Variants in GIT2 observed in about 807,000 individuals in gnomAD.
GIT2 encodes the protein ARF GTPase-activating protein GIT2.
In GIT2, 32 loss-of-function variants were observed where a neutral mutation model predicts 100.3. That is an observed-to-expected ratio of 0.32 (90% CI 0.24 to 0.43). GIT2 has a LOEUF of 0.43. GIT2 is among the 20% of genes least tolerant of loss of function. The probability of loss-of-function intolerance (pLI) is 1.00; values close to 1 mark genes in which losing one functional copy is unlikely to be tolerated. For missense variants in GIT2, 737 were observed against 975.1 expected (o/e 0.76, Z 3.25); for synonymous variants, 353 against 364.1 (o/e 0.97, Z 0.35).
At chr12:109,976,676 C>T (rs1250114297) in intron 7 of GIT2, among the ~76,000 whole-genome samples, 1 of 150,940 alleles carries the variant, frequency 6.6e-6, no homozygotes, top group Non-Finnish European at 1.5e-5. Flanking sequence ...GTAACCTTTG[C>T]CTCCTAGGTT....
intron 18 of GIT2, among the ~76,000 whole-genome samples, chr12:109,935,339 A>G (rs191864926): frequency 6.6e-6 from 1 of 152,364 alleles, no homozygotes; most frequent in African/African-American, 2.4e-5. Context: ...TGTATCATGC[A>G]TACTAATAAA....
At chr12:109,936,707 A>C (rs1592942088) in intron 18 of GIT2, among the ~76,000 whole-genome samples, 1 of 152,252 alleles carries the variant, frequency 6.6e-6, no homozygotes, top group East Asian at 1.9e-4. Flanking sequence ...GTCTCTACTA[A>C]AAATACAAAA....
intron 4 of GIT2, among the ~76,000 whole-genome samples, chr12:109,985,445 G>A (rs1217828321): frequency 2.0e-5 from 3 of 152,228 alleles, no homozygotes; most frequent in Non-Finnish European, 4.4e-5. Context: ...GCCAGATGTG[G>A]TGGCTCACGC....
chr12:109,965,557 A>G lies in GIT2; in HGVS notation c.785T>C (p.Leu262Ser), dbSNP rs1882120657. ...MADSSLDLSE[L>S]AKAAKKKLQS... ...AAGTTTCTTCTTAGCAGCTTTTGCC[A>G]ATTCAGACAAATCCAGGCTGCTAAG... Residue 262 changes from leucine (L) to serine (S), a missense_variant, in exon 9 of 20, where the codon TTG becomes TCG. Around this residue, in one of 3 missense-constraint regions of GIT2, gnomAD observed 266 missense variants for 376.2 expected, o/e 0.71. Transcript: ENST00000355312. The G allele has an allele frequency of 1.3e-6, 2 of 1,597,890 alleles. No individual in the cohort carries two copies. Among genetic ancestry groups the G allele is most frequent in the Non-Finnish European group, 1.7e-6 (2 of 1,167,652 alleles).
intron 7 of GIT2, among the ~76,000 whole-genome samples, chr12:109,973,303 G>A (rs948002725): frequency 1.2e-4 from 18 of 151,638 alleles, no homozygotes; most frequent in African/African-American, 4.1e-4. Context: ...ATCATGCCCA[G>A]CTAATTTTTG....
chr12:109,981,110 C>T, intron 6 of GIT2, 64 bp from the exon 7 acceptor site: 2 of 1,057,112 alleles, frequency 1.9e-6, no homozygotes, highest in Non-Finnish European at 3.0e-6. Flanking sequence ...AAATGGAGTA[C>T]AAAGACGTCT....
chr12:109,954,843 G>A (rs527865259), intron 12 of GIT2, among the ~76,000 whole-genome samples: 5 of 150,668 alleles, frequency 3.3e-5, no homozygotes, highest in Admixed American at 2.0e-4. Flanking sequence ...AGGTTGCAGT[G>A]AGCCAAGACT....
intron 7 of GIT2, among the ~76,000 whole-genome samples, chr12:109,979,892 G>A (rs766710701): frequency 2.6e-5 from 4 of 152,130 alleles, no homozygotes; most frequent in Non-Finnish European, 5.9e-5. Flanking sequence ...TGTGAATGTT[G>A]TACATCAGGG....
At chr12:109,955,270 C>T (rs1879093124) in intron 12 of GIT2, among the ~76,000 whole-genome samples, 1 of 152,092 alleles carries the variant, frequency 6.6e-6, no homozygotes, top group Non-Finnish European at 1.5e-5. Context: ...ACTACAAGCG[C>T]CCGCCACCAC....
intron 7 of GIT2, among the ~76,000 whole-genome samples, chr12:109,971,677 T>C (rs1202139652): frequency 6.6e-6 from 1 of 151,772 alleles, no homozygotes; most frequent in Non-Finnish European, 1.5e-5. Context: ...TTCCAATTGC[T>C]CACTGCTAGT....
intron 7 of GIT2, among the ~76,000 whole-genome samples, chr12:109,969,583 G>A (rs1359926014): frequency 6.6e-6 from 1 of 152,070 alleles, no homozygotes; most frequent in African/African-American, 2.4e-5. Context: ...GTCTTGCTCT[G>A]TCACCCAGGC....
Position 109,951,162 on chromosome 12 carries a change from G to C in GIT2, c.1392+5C>G. On this transcript the variant is annotated splice_donor_5th_base_variant and intron_variant, in intron 14 of 19. Coordinates refer to ENST00000355312, the MANE Select transcript of GIT2 (RefSeq NM_057169.5). Reference sequence around the variant, plus strand: ...CAACCGTCCTGGCATTTATTAACATGTTACCTTTTTCTGCATAATTCTCAG... The same window carrying C: ...CAACCGTCCTGGCATTTATTAACATCTTACCTTTTTCTGCATAATTCTCAG... 6.2e-7 allele frequency: 1 copy of C among 1,611,446 alleles called. No homozygotes were observed. Among genetic ancestry groups the C allele is most frequent in the Non-Finnish European group, 8.5e-7 (1 of 1,177,654 alleles).
intron 7 of GIT2, among the ~76,000 whole-genome samples, chr12:109,979,564 C>T (rs375923943): frequency 6.6e-6 from 1 of 152,142 alleles, no homozygotes; most frequent in East Asian, 1.9e-4. Flanking sequence ...TGAGCCACCG[C>T]ACCCCGCAGA....
intron 9 of GIT2, among the ~76,000 whole-genome samples, chr12:109,965,201 G>A (rs540743319): frequency 4.9e-4 from 75 of 152,226 alleles, no homozygotes; most frequent in Admixed American, 1.5e-3. Flanking sequence ...CCCCAAGAAC[G>A]CGTGCCCTAC....
At chr12:109,976,123 A>ACACACAAAC (rs1555232729) in intron 7 of GIT2, among the ~76,000 whole-genome samples, 16 of 130,970 alleles carry the variant, frequency 1.2e-4, no homozygotes, top group African/African-American at 2.9e-4. Context: ...CACACACACA[A>ACACACAAAC]ACACACACAC....
chr12:109,933,361 G>GTGCC lies in GIT2; in HGVS notation c.2068-172_2068-171insGGCA. 9.0e-6 allele frequency: 5 copies of GTGCC among 557,606 alleles called. No individual in the cohort carries two copies. 34.5% of individuals were successfully genotyped at this position (557,606 alleles called of 1,614,324 possible). The stretch of plus-strand genomic sequence containing the variant: ...CACTCCAAGCTTTGCAGCCCACAGC[G>GTGCC]TAAGAGATGCTGAAATATTCTGATT... On this transcript the variant is annotated intron_variant, in intron 19 of 19. Transcript: ENST00000355312. This position sits in a 1 kb window ranked among gnomAD's most constrained non-coding sequence, Gnocchi z 4.5.
rs146182658 is a variant in GIT2 at position 109,953,163 on chromosome 12, C to T, written c.1171G>A (p.Asp391Asn). ...SVESQDNDQP[D>N]YDSVASDEDT... ...TCGTCTGATGCCACGCTGTCATAGT[C>T]GGGCTGATCGTTGTCTTGACTCTCA... is the stretch of plus-strand genomic sequence containing the variant. The change falls in exon 13 of 20, where the codon GAC becomes AAC. Residue 391 changes from aspartate (D) to asparagine (N), a missense_variant. Physicochemically the swap from Asp to Asn is conservative, Grantham distance 23. Transcript: ENST00000355312. The T allele has an allele frequency of 4.3e-6, 7 of 1,613,868 alleles. No homozygotes were observed. The highest frequency in any genetic ancestry group is 1.6e-4 in the Middle Eastern group (1 of 6,084).
chr12:109,959,037 T>C (rs1277544311), intron 12 of GIT2, among the ~76,000 whole-genome samples: 6 of 152,050 alleles, frequency 3.9e-5, no homozygotes, highest in African/African-American at 2.4e-5. Context: ...GCAGATATTA[T>C]GCAGTTTCAA....
At chr12:109,990,887 C>T (rs1169267704) in intron 2 of GIT2, among the ~76,000 whole-genome samples, 1 of 152,278 alleles carries the variant, frequency 6.6e-6, no homozygotes, top group East Asian at 1.9e-4. Flanking sequence ...CTGAGGAATC[C>T]CAGCCCATGC....
Sources: allele counts gnomAD v4.1 joint callset (sites outside exome capture counted in the v4.1 genomes callset), GRCh38; gene constraint gnomAD v4.1.1; regional missense constraint gnomAD v4.1.1; non-coding constraint Gnocchi (gnomAD v3.1); transcripts MANE v1.5; gene names NCBI Gene and HGNC (gene_info 2026-07-23, HGNC 2026-07-21).